The following ANK3 variants were observed in gnomAD, a reference collection of about 807,000 sequenced individuals.
ANK3 encodes ankyrin 3, also known as ankyrin-3.
A neutral mutation model predicts 370.9 loss-of-function variants in ANK3; 57 were observed. The observed-to-expected ratio is 0.15, with a 90% CI of 0.12 to 0.19. The LOEUF is 0.19. ANK3 is among the 10% of genes least tolerant of loss of function. The pLI is 1.00. For missense variants in ANK3, 4,439 were observed against 5,302.1 expected (o/e 0.84, Z 5.06); for synonymous variants, 1,929 against 1,946.3 (o/e 0.99, Z 0.23).
At chr10:60,381,588 T>TA (rs1463960774) in intron 1 of ANK3, among the ~76,000 whole-genome samples, 2 of 152,170 alleles carry the variant, frequency 1.3e-5, no homozygotes, top group Non-Finnish European at 2.9e-5. Flanking sequence ...CAAAAGTTGT[T>TA]AAAAATATTC....
At chr10:60,431,922 A>G (rs2064035297) in intron 2 of ANK3, among the ~76,000 whole-genome samples, 1 of 152,150 alleles carries the variant, frequency 6.6e-6, no homozygotes. Flanking sequence ...TCTGTCTGTT[A>G]GCCTGTTTTC....
In ANK3 at chr10:60,076,547, A is replaced by C. The variant is rs2083871396; in HGVS notation, c.4433-99T>G. The stretch of plus-strand genomic sequence containing the variant: ...AAAAAAATTGGTCAGTAAACTTTGA[A>C]ATATTACAAAAGCAAGTACAATTGT... On this transcript the variant is annotated intron_variant, in intron 36 of 43. Transcript: ENST00000280772. 2.1e-6 allele frequency: 3 copies of C among 1,409,014 alleles called. No homozygotes were observed. In the East Asian group the frequency reaches 7.4e-5, roughly 35 times the overall value. The allele number at this position is 1,409,014 out of a possible 1,614,324, so 87.3% of individuals were successfully genotyped here. A position where few individuals can be genotyped will look rare whatever the true frequency, so the allele number is the denominator to read the frequency against.
At chr10:60,681,850 G>A (rs1319323245) in intron 1 of ANK3, among the ~76,000 whole-genome samples, 1 of 152,140 alleles carries the variant, frequency 6.6e-6, no homozygotes, top group African/African-American at 2.4e-5. Flanking sequence ...TCTAGAAAAT[G>A]CCCCTAAAAG....
chr10:60,458,022 C>T (rs971317011), intron 2 of ANK3, among the ~76,000 whole-genome samples: 4 of 151,966 alleles, frequency 2.6e-5, no homozygotes, highest in African/African-American at 9.7e-5. Context: ...TCTTTTTCAC[C>T]CTTTTTATAA....
intron 1 of ANK3, among the ~76,000 whole-genome samples, chr10:60,292,790 C>T (rs867685016): frequency 3.3e-5 from 5 of 151,754 alleles, no homozygotes; most frequent in Non-Finnish European, 4.4e-5. Context: ...TCACTGCAAC[C>T]TCCACCTCCC....
intron 42 of ANK3, chr10:60,053,562 A>G: frequency 2.7e-6 from 2 of 730,316 alleles, no homozygotes; most frequent in South Asian, 4.4e-5. Context: ...GATTCCTTTT[A>G]GTGAATTATC....
intron 12 of ANK3, among the ~76,000 whole-genome samples, chr10:60,202,575 C>T (rs2096700345): frequency 6.6e-6 from 1 of 152,160 alleles, no homozygotes; most frequent in Admixed American, 6.5e-5. Flanking sequence ...GAACTTTCTT[C>T]TTTTAAGTAG....
intron 1 of ANK3, among the ~76,000 whole-genome samples, chr10:60,646,955 G>A (rs900125422): frequency 6.6e-6 from 1 of 152,042 alleles, no homozygotes; most frequent in Non-Finnish European, 1.5e-5. Context: ...GGTCATTGGG[G>A]TATATTTGTA....
intron 2 of ANK3, among the ~76,000 whole-genome samples, chr10:60,545,461 CAAAT>C (rs2076942760): frequency 1.3e-5 from 2 of 149,780 alleles, no homozygotes; most frequent in South Asian, 4.3e-4. Context: ...AATAGTTCTA[CAAAT>C]ACTTCATAGA....
chr10:60,662,266 C>T (rs938010352), intron 1 of ANK3, among the ~76,000 whole-genome samples: 1 of 152,108 alleles, frequency 6.6e-6, no homozygotes, highest in South Asian at 2.1e-4. Context: ...AACTGGCACA[C>T]TGATATATTG....
intron 1 of ANK3, among the ~76,000 whole-genome samples, chr10:60,359,124 G>A (rs2058229930): frequency 6.6e-6 from 1 of 152,122 alleles, no homozygotes; most frequent in Non-Finnish European, 1.5e-5. Context: ...TAACCCTGGT[G>A]TGTAAAACAG....
intron 7 of ANK3, among the ~76,000 whole-genome samples, chr10:60,236,354 TA>T (rs2097333721): frequency 6.7e-6 from 1 of 150,338 alleles, no homozygotes; most frequent in African/African-American, 2.5e-5. Flanking sequence ...ATTCTCCCAT[TA>T]TCTCCAACTA....
At chr10:60,160,666 C>G (rs74516547) in intron 23 of ANK3, among the ~76,000 whole-genome samples, 1 of 151,894 alleles carries the variant, frequency 6.6e-6, no homozygotes, top group Non-Finnish European at 1.5e-5. Context: ...TACTAGCAAA[C>G]CATATATAAC....
intron 23 of ANK3, chr10:60,146,036 A>T: frequency 6.7e-7 from 1 of 1,481,818 alleles, no homozygotes; most frequent in South Asian, 1.2e-5. Flanking sequence ...TCAAAAAATG[A>T]ATAAAATTAA....
At chr10:60,675,712 T>C (rs1050679470) in intron 1 of ANK3, among the ~76,000 whole-genome samples, 2 of 152,242 alleles carry the variant, frequency 1.3e-5, no homozygotes, top group Admixed American at 6.5e-5. Context: ...GTTCATAAAA[T>C]GCCTAGAATT....
At chr10:60,508,343 TC>T (rs1391503836) in intron 2 of ANK3, 1 of 152,612 alleles carries the variant, frequency 6.6e-6, no homozygotes, top group African/African-American at 2.4e-5. Flanking sequence ...TTTCATTATT[TC>T]CGCTTTGCAG....
chr10:60,641,075 G>A (rs1163300465), intron 1 of ANK3, among the ~76,000 whole-genome samples: 2 of 150,794 alleles, frequency 1.3e-5, no homozygotes, highest in Non-Finnish European at 2.9e-5. Context: ...ACTTACAAGG[G>A]ATGTGAAGGA....
intron 33 of ANK3, 147 bp from the exon 34 acceptor site, chr10:60,082,884 A>G (rs920855775): frequency 7.5e-6 from 7 of 933,598 alleles, no homozygotes; most frequent in Non-Finnish European, 1.1e-5. Context: ...ATTATGCAGC[A>G]ACCGGGGTGG....
At chr10:60,148,981 T>C (rs887235054) in intron 23 of ANK3, among the ~76,000 whole-genome samples, 1 of 152,218 alleles carries the variant, frequency 6.6e-6, no homozygotes, top group Non-Finnish European at 1.5e-5. Context: ...ATGAGTACAA[T>C]ACAGGAACAC....
Sources: gnomAD v4.1 joint callset for allele counts (sites outside exome capture counted in the v4.1 genomes callset) on GRCh38, gnomAD v4.1.1 for gene constraint, MANE v1.5 for transcripts, NCBI Gene and HGNC (gene_info 2026-07-23, HGNC 2026-07-21) for gene names.